Variants in STK33 observed in about 807,000 individuals in gnomAD.
The protein encoded by STK33 is serine/threonine kinase 33, also known as serine/threonine-protein kinase 33.
Under a neutral mutation model 58.0 loss-of-function variants are expected in STK33, and 52 were observed. That is an observed-to-expected ratio of 0.90 (90% CI 0.72 to 1.13). The LOEUF (loss-of-function observed/expected upper bound fraction) is 1.13, where lower values mean the gene tolerates loss of function less well. Among genes scored for constraint, STK33 ranks in the 50% most tolerant of loss-of-function variants. The pLI is 0.00. For synonymous variants in STK33, 215 were observed against 200.1 expected, an observed-to-expected ratio of 1.07 and a Z score of -0.63; for missense variants, 630 against 604.2, an observed-to-expected ratio of 1.04 and a Z score of -0.45.
intron 11 of STK33, among the ~76,000 whole-genome samples, chr11:8,450,191 T>A (rs577194014): frequency 7.9e-5 from 12 of 152,032 alleles, no homozygotes; most frequent in African/African-American, 2.9e-4. Flanking sequence ...ATAAAGAAAA[T>A]GTGGCACAGA....
intron 14 of STK33, among the ~76,000 whole-genome samples, chr11:8,422,906 C>G (rs1258107459): frequency 6.6e-6 from 1 of 151,560 alleles, no homozygotes; most frequent in Non-Finnish European, 1.5e-5. Flanking sequence ...GTCACTGCAG[C>G]CTCCGCTCTC....
intron 1 of STK33, among the ~76,000 whole-genome samples, chr11:8,517,992 A>G (rs1591585394): frequency 6.6e-6 from 1 of 152,116 alleles, no homozygotes; most frequent in East Asian, 1.9e-4. Flanking sequence ...TACAGAGAAC[A>G]CCATAAAGAT....
chr11:8,556,217 T>C (rs970355611), intron 1 of STK33, among the ~76,000 whole-genome samples: 2 of 152,132 alleles, frequency 1.3e-5, no homozygotes, highest in Non-Finnish European at 2.9e-5. Context: ...TATCGGGTAA[T>C]TGGGGAGCTG....
intron 14 of STK33, among the ~76,000 whole-genome samples, chr11:8,423,613 T>C (rs1465870832): frequency 5.3e-5 from 8 of 152,110 alleles, no homozygotes; most frequent in Non-Finnish European, 1.0e-4. Context: ...TTATTAAGGC[T>C]TCCTTGCTTC....
At chr11:8,372,427 C>T in the STK33 span, among the ~76,000 whole-genome samples, 2 of 152,290 alleles carry the variant, frequency 1.3e-5, no homozygotes, top group East Asian at 3.9e-4. Context: ...GGAAACTGCT[C>T]ATACTTGAAA....
At chr11:8,335,375 A>G in the STK33 span, among the ~76,000 whole-genome samples, 1 of 152,156 alleles carries the variant, frequency 6.6e-6, no homozygotes, top group Non-Finnish European at 1.5e-5. Flanking sequence ...CCAGCCACCA[A>G]TGAGAGGGAC....
downstream of STK33, among the ~76,000 whole-genome samples, chr11:8,387,247 C>A (rs373329245): frequency 1.3e-5 from 2 of 152,118 alleles, no homozygotes; most frequent in East Asian, 1.9e-4. Flanking sequence ...GTGAGTTGCT[C>A]GGCCTTTTGA....
Position 8,425,245 on chromosome 11 carries a change from C to T in STK33, c.1146+10249G>A, listed in dbSNP as rs370842919. Among the ~76,000 whole-genome samples, 37 of 152,254 alleles carry T rather than the reference C, an allele frequency of 2.4e-4. No homozygotes were observed. The South Asian group carries it at 7.1e-3, about 29-fold the overall frequency. On this transcript the variant is annotated intron_variant, in intron 14 of 15. Coordinates refer to ENST00000687296, the MANE Select transcript of STK33 (RefSeq NM_001352389.2). ...CAGCACCATTTATTAAATAGGGAATCGTTTCCCCATTTCTTGTTTTTGTCA... is the reference window on the plus strand; with the variant it reads ...CAGCACCATTTATTAAATAGGGAATTGTTTCCCCATTTCTTGTTTTTGTCA...
At chr11:8,362,213 G>A in the STK33 span, among the ~76,000 whole-genome samples, 10 of 152,260 alleles carry the variant, frequency 6.6e-5, no homozygotes, top group East Asian at 1.2e-3. Context: ...GTCAAGCTCC[G>A]TCCATCAAGT....
intron 11 of STK33, among the ~76,000 whole-genome samples, chr11:8,448,969 A>G (rs1427337253): frequency 2.0e-5 from 3 of 151,840 alleles, no homozygotes; most frequent in South Asian, 2.1e-4. Flanking sequence ...AAAAGTGGGC[A>G]AAGGAAATGA....
chr11:8,459,199 G>A (rs1256759454), intron 8 of STK33, among the ~76,000 whole-genome samples: 1 of 152,164 alleles, frequency 6.6e-6, no homozygotes, highest in Non-Finnish European at 1.5e-5. Flanking sequence ...CAACTGTGTA[G>A]ACCTGGAGAA....
chr11:8,578,368 A>C (rs776190971), intron 1 of STK33, among the ~76,000 whole-genome samples: 2 of 152,006 alleles, frequency 1.3e-5, no homozygotes, highest in African/African-American at 2.4e-5. Flanking sequence ...ATACCCTTCA[A>C]TAGGGAACTA....
chr11:8,403,628 T>C (rs1319513821), intron 15 of STK33, among the ~76,000 whole-genome samples: 7 of 152,312 alleles, frequency 4.6e-5, no homozygotes, highest in African/African-American at 1.7e-4. Context: ...TAGTCAGTTC[T>C]ATTGGAGGCA....
the STK33 span, among the ~76,000 whole-genome samples, chr11:8,364,017 C>A: frequency 3.3e-5 from 5 of 152,222 alleles, no homozygotes; most frequent in African/African-American, 1.2e-4. Context: ...TTTGGATCTG[C>A]TTCCAACATT....
At chr11:8,449,516 G>A (rs1490247407) in intron 11 of STK33, among the ~76,000 whole-genome samples, 1 of 151,002 alleles carries the variant, frequency 6.6e-6, no homozygotes, top group Non-Finnish European at 1.5e-5. Context: ...ATCATTCTCA[G>A]CAAACTATCG....
At chr11:8,519,828 T>C (rs990609941) in intron 1 of STK33, among the ~76,000 whole-genome samples, 6 of 151,794 alleles carry the variant, frequency 4.0e-5, no homozygotes, top group Admixed American at 2.6e-4. Context: ...CAATAACAGG[T>C]TCTGAAATTG....
At chr11:8,513,732 T>C (rs1353455445) in intron 1 of STK33, among the ~76,000 whole-genome samples, 2 of 152,202 alleles carry the variant, frequency 1.3e-5, no homozygotes, top group African/African-American at 2.4e-5. Flanking sequence ...ATGAGATATT[T>C]TGATGCAGGC....
At chr11:8,371,691 CTTTCCCCTTTCTTCCTTTCATTTA>C in the STK33 span, among the ~76,000 whole-genome samples, 1 of 146,938 alleles carries the variant, frequency 6.8e-6, no homozygotes, top group African/African-American at 2.5e-5. Flanking sequence ...TTCTTCTTTT[CTTTCCCCTTTCTTCCTTTCATTTA>C]TTTCCCTCCC....
At chr11:8,401,879 T>C (rs1344804168) in intron 15 of STK33, among the ~76,000 whole-genome samples, 2 of 152,096 alleles carry the variant, frequency 1.3e-5, no homozygotes, top group East Asian at 3.8e-4. Flanking sequence ...TCATCATCAC[T>C]GGCCATCAGA....
Sources: gnomAD v4.1 joint callset for allele counts (sites outside exome capture counted in the v4.1 genomes callset) on GRCh38, gnomAD v4.1.1 for gene constraint, MANE v1.5 for transcripts, NCBI Gene and HGNC (gene_info 2026-07-23, HGNC 2026-07-21) for gene names.